The following AIM2 variants were observed in gnomAD, a reference collection of about 807,000 sequenced individuals.
AIM2 encodes the protein interferon-inducible protein AIM2.
Under a neutral mutation model 27.7 loss-of-function variants are expected in AIM2, and 30 were observed. The ratio of observed to expected loss-of-function variants is 1.08; its 90% CI spans 0.81 to 1.47. The LOEUF (loss-of-function observed/expected upper bound fraction) is 1.47. Among genes scored for constraint, AIM2 ranks in the 40% most tolerant of loss-of-function variants. The pLI is 0.00. For missense variants in AIM2, 358 were observed against 411.3 expected, an observed-to-expected ratio of 0.87 and a Z score of 1.12; for synonymous variants, 141 against 145.3, an observed-to-expected ratio of 0.97 and a Z score of 0.21.
chr1:159,068,896 T>C (rs1453241828), intron 2 of AIM2, among the ~76,000 whole-genome samples, 195 bp from the exon 3 acceptor site: 1 of 152,092 alleles, frequency 6.6e-6, no homozygotes, highest in Non-Finnish European at 1.5e-5. Flanking sequence ...CCCAGCACTT[T>C]GGGAGGCCAA....
At chr1:159,059,300 A>G (rs1453705367), downstream of AIM2, among the ~76,000 whole-genome samples, 2 of 152,032 alleles carry the variant, frequency 1.3e-5, no homozygotes, top group Admixed American at 1.3e-4. Context: ...ATATCTGTGT[A>G]TGTATATGTG....
chr1:159,095,267 G>A (rs1410727387), intron 1 of AIM2, among the ~76,000 whole-genome samples: 2 of 152,158 alleles, frequency 1.3e-5, no homozygotes, highest in African/African-American at 4.8e-5. Flanking sequence ...CCTTCTCTCT[G>A]TCTCTGTATC....
At chr1:159,146,043 T>C (rs1285016198) in intron 1 of AIM2, among the ~76,000 whole-genome samples, 1 of 151,572 alleles carries the variant, frequency 6.6e-6, no homozygotes, top group African/African-American at 2.4e-5. Flanking sequence ...GAAGTAGAGG[T>C]TGCAGTGAAG....
chr1:159,112,929 A>G (rs1657606739), intron 1 of AIM2, among the ~76,000 whole-genome samples: 1 of 137,496 alleles, frequency 7.3e-6, no homozygotes. Context: ...CCTAATATAT[A>G]CATACATATA....
intron 1 of AIM2, among the ~76,000 whole-genome samples, chr1:159,111,838 CTATCT>C (rs1362670476): frequency 2.9e-5 from 2 of 68,814 alleles, no homozygotes; most frequent in African/African-American, 1.2e-4. Flanking sequence ...TATCATCTAT[CTATCT>C]ATCTATCTAT....
chr1:159,102,649 A>T (rs1374334047), intron 1 of AIM2, among the ~76,000 whole-genome samples: 1 of 152,258 alleles, frequency 6.6e-6, no homozygotes, highest in Non-Finnish European at 1.5e-5. Flanking sequence ...TGCCCTGGAT[A>T]TGAGACATGG....
intron 1 of AIM2, among the ~76,000 whole-genome samples, chr1:159,115,908 G>A (rs1252681409): frequency 6.6e-6 from 1 of 151,876 alleles, no homozygotes; most frequent in Non-Finnish European, 1.5e-5. Context: ...CTACAGAATG[G>A]GAGAAAATTT....
At chr1:159,068,324 A>G (rs1198302159) in intron 3 of AIM2, among the ~76,000 whole-genome samples, 1 of 152,256 alleles carries the variant, frequency 6.6e-6, no homozygotes, top group African/African-American at 2.4e-5. Context: ...TTCTTCTTAT[A>G]GAATCCAAAA....
At chr1:159,119,627 G>A (rs969568710) in intron 1 of AIM2, among the ~76,000 whole-genome samples, 2 of 152,060 alleles carry the variant, frequency 1.3e-5, no homozygotes, top group African/African-American at 4.8e-5. Flanking sequence ...GTTCCATAAG[G>A]AGCCCTAGTT....
chr1:159,081,375 T>A (rs555266415), upstream of AIM2: 58 of 297,156 alleles, frequency 2.0e-4, 1 homozygote, highest in African/African-American at 1.3e-3. Flanking sequence ...GGAAGTCAAA[T>A]TGCAAACTTT....
chr1:159,127,352 G>A (rs755078870), intron 1 of AIM2, among the ~76,000 whole-genome samples: 6 of 152,222 alleles, frequency 3.9e-5, no homozygotes, highest in South Asian at 2.1e-4. Context: ...CTGCTCTCAC[G>A]CCACACTATC....
intron 2 of AIM2, among the ~76,000 whole-genome samples, chr1:159,070,636 A>C (rs1310119898): frequency 2.0e-5 from 3 of 152,232 alleles, no homozygotes; most frequent in African/African-American, 7.2e-5. Flanking sequence ...TAAAAAGAGA[A>C]ACGATTTAAT....
At chr1:159,098,805 A>C (rs139975504) in intron 1 of AIM2, among the ~76,000 whole-genome samples, 6 of 152,290 alleles carry the variant, frequency 3.9e-5, no homozygotes, top group African/African-American at 1.4e-4. Flanking sequence ...GGAAAGAATA[A>C]ACAAAGGCTC....
chr1:159,085,078 G>A (rs895786786), intron 1 of AIM2, among the ~76,000 whole-genome samples: 1 of 152,022 alleles, frequency 6.6e-6, no homozygotes, highest in Non-Finnish European at 1.5e-5. Context: ...TATGTACTTC[G>A]CAATTGCTGC....
At chr1:159,074,836 G>A (rs1033662168) in intron 1 of AIM2, among the ~76,000 whole-genome samples, 3 of 151,992 alleles carry the variant, frequency 2.0e-5, no homozygotes, top group African/African-American at 7.2e-5. Flanking sequence ...TACTTAAGTG[G>A]GTGTATGTCT....
intron 1 of AIM2, among the ~76,000 whole-genome samples, chr1:159,116,690 G>A (rs182401857): frequency 7.9e-5 from 12 of 152,184 alleles, no homozygotes; most frequent in African/African-American, 2.9e-4. Context: ...TTGTGGGGTA[G>A]GGGGAGGGAG....
intron 1 of AIM2, among the ~76,000 whole-genome samples, chr1:159,082,529 C>T (rs1656802594): frequency 6.6e-6 from 1 of 151,934 alleles, no homozygotes; most frequent in Admixed American, 6.6e-5. Context: ...CAAGGTCTTG[C>T]CATGTTGCCA....
At chr1:159,062,433 T>C (rs1432988837), downstream of AIM2, 6 of 532,176 alleles carry the variant, frequency 1.1e-5, no homozygotes, top group Non-Finnish European at 2.0e-5. Flanking sequence ...GATAAAGTAT[T>C]TTCGCTTGAG....
intron 1 of AIM2, among the ~76,000 whole-genome samples, chr1:159,138,474 T>C (rs1648052473): frequency 6.6e-6 from 1 of 152,200 alleles, no homozygotes; most frequent in Admixed American, 6.5e-5. Flanking sequence ...AATTCCTCCA[T>C]AGTACATATC....
Sources: gnomAD v4.1 joint callset for allele counts (sites outside exome capture counted in the v4.1 genomes callset) on GRCh38, gnomAD v4.1.1 for gene constraint, MANE v1.5 for transcripts, NCBI Gene and HGNC (gene_info 2026-07-23, HGNC 2026-07-21) for gene names.